VCL: variants seen among roughly 807,000 people sequenced by gnomAD.
The protein encoded by VCL is vinculin.
VCL carries 47 observed loss-of-function variants against 125.7 expected under a neutral mutation model. That is an observed-to-expected ratio of 0.37 (90% CI 0.30 to 0.48). VCL has a LOEUF of 0.48. Ranked by LOEUF, VCL falls within the 20% of genes least tolerant of loss-of-function variation. The probability of loss-of-function intolerance (pLI) is 0.99; values close to 1 mark genes in which losing one functional copy is unlikely to be tolerated. For synonymous variants in VCL, 458 were observed against 514.6 expected (o/e 0.89, Z 1.49); for missense variants, 1,069 against 1,455.5 (o/e 0.73, Z 4.32).
intron 2 of VCL, among the ~76,000 whole-genome samples, chr10:74,069,060 T>C (rs551641548): frequency 6.6e-6 from 1 of 152,056 alleles, no homozygotes; most frequent in African/African-American, 2.4e-5. Context: ...TTTTGTTTGT[T>C]TGTTCGTTTG....
intron 2 of VCL, among the ~76,000 whole-genome samples, chr10:74,045,269 A>AGACG (rs1162661523): frequency 7.2e-6 from 1 of 139,530 alleles, no homozygotes; most frequent in Non-Finnish European, 1.5e-5. Context: ...AGAGACGGAT[A>AGACG]GATAGATAGA....
rs1839986195 is a variant in VCL, at chr10:74,097,337, G to T, written c.1872+5G>T. ...GATGCGCCTAACAGGGAAGAGGTGG[G>T]TATCTGAGGTCTTCCATTTTTCTGT... is the stretch of plus-strand genomic sequence containing the variant. On this transcript the variant is annotated splice_donor_5th_base_variant and intron_variant, in intron 13 of 21. Coordinates refer to ENST00000211998, the MANE Select transcript of VCL (RefSeq NM_014000.3). This position sits in a 1 kb window ranked among gnomAD's most constrained non-coding sequence, Gnocchi z 4.1. 1 of 1,612,486 alleles carries T rather than the reference G, an allele frequency of 6.2e-7. No homozygotes were observed.
At position 74,089,208 on chromosome 10, in the gene VCL, C is replaced by G; in HGVS notation, c.1035C>G (p.Ser345=). The change falls in exon 9 of 22, where the codon TCC becomes TCG. Residue 345 remains serine, a synonymous_variant. Transcript: ENST00000211998. ...VADLRARGQG[S]SPVAMQKAQQ... ...CTGTTTTGAGCAGAGGACAAGGATC[C>G]TCACCGGTGGCCATGCAGAAAGCTC... The G allele has an allele frequency of 6.2e-7, 1 of 1,613,988 alleles. No individual in the cohort carries two copies. Among genetic ancestry groups the G allele is most frequent in the Non-Finnish European group, 8.5e-7 (1 of 1,179,990 alleles).
Position 74,059,224 on chromosome 10 carries a change from G to A in VCL, c.240-11446G>A, listed in dbSNP as rs894596098. 4.6e-5 allele frequency among the ~76,000 whole-genome samples: 7 copies of A among 152,110 alleles called. No individual in the cohort carries two copies. In the East Asian group the frequency reaches 5.8e-4, roughly 13 times the overall value. On this transcript the variant is annotated intron_variant, in intron 2 of 21. Transcript: ENST00000211998. ...ACAAAAACTAGTTCGGCATGGTGGC[G>A]CATGCCTATAATCCCAACTACTGGG...
chr10:74,053,261 C>T (rs941979287), intron 2 of VCL, among the ~76,000 whole-genome samples: 10 of 152,040 alleles, frequency 6.6e-5, no homozygotes, highest in African/African-American at 2.2e-4. Flanking sequence ...GTTTTATTAT[C>T]TAAATCAGGT....
At position 74,112,409 on chromosome 10, in the gene VCL, C is replaced by T. The variant is rs781421364; in HGVS notation, c.2949+297C>T. ...CATCGCTGGAAACCCCTTGGGAAGC[C>T]GTGAATGCATCTCTCAATGACTTCC... On this transcript the variant is annotated intron_variant, in intron 19 of 21. Transcript: ENST00000211998. 3.9e-5 allele frequency among the ~76,000 whole-genome samples: 6 copies of T among 152,298 alleles called. No homozygotes were observed. In the East Asian group the frequency reaches 9.6e-4, roughly 24 times the overall value.
chr10:74,098,741 C>A (rs1048277830), intron 13 of VCL, among the ~76,000 whole-genome samples: 7 of 152,080 alleles, frequency 4.6e-5, no homozygotes, highest in African/African-American at 1.7e-4. Flanking sequence ...TGCTGATTAC[C>A]CCAGTTTTCT....
intron 2 of VCL, among the ~76,000 whole-genome samples, chr10:74,051,319 C>T (rs1380081793): frequency 4.0e-5 from 6 of 151,084 alleles, no homozygotes; most frequent in Admixed American, 1.3e-4. Flanking sequence ...TCACTGCAAC[C>T]GCTGCCTCCT....
chr10:74,009,215 T>TCC (rs1565631984), intron 1 of VCL, among the ~76,000 whole-genome samples: 2 of 75,014 alleles, frequency 2.7e-5, no homozygotes, highest in East Asian at 3.5e-4. Context: ...GGCTGCTGCT[T>TCC]TCCCCCCCCC....
At position 74,070,814 on chromosome 10, in the gene VCL, G is replaced by A. The variant is rs756746383; in HGVS notation, c.384G>A (p.Glu128=). 1.5e-5 allele frequency: 24 copies of A among 1,613,886 alleles called. No homozygotes were observed. The highest frequency in any genetic ancestry group is 1.8e-5 in the Non-Finnish European group (21 of 1,180,012). ...CAGACCTGCTCCTTACCTTCGATGAGGCTGAGGTAGGCAATCTGAGACAAA... is the reference window on the plus strand; with the variant it reads ...CAGACCTGCTCCTTACCTTCGATGAAGCTGAGGTAGGCAATCTGAGACAAA... ...GTSDLLLTFD[E]AEVRKIIRVC... is the part of the protein sequence containing the mutation. The change falls in exon 3 of 22, where the codon GAG becomes GAA. Residue 128 remains glutamate, a synonymous_variant. Transcript: ENST00000211998.
intron 1 of VCL, among the ~76,000 whole-genome samples, chr10:74,009,192 A>G (rs976854074): frequency 1.4e-5 from 2 of 144,564 alleles, no homozygotes; most frequent in South Asian, 4.4e-4. Flanking sequence ...AATAATTTTC[A>G]AATTGTCTAG....
At chr10:74,080,951 A>G (rs1339367176) in intron 6 of VCL, among the ~76,000 whole-genome samples, 1 of 152,196 alleles carries the variant, frequency 6.6e-6, no homozygotes, top group Non-Finnish European at 1.5e-5. Context: ...AATTTAAGAC[A>G]TGATAGGAGA....
At chr10:74,112,320 G>C (rs71579376) in intron 19 of VCL, among the ~76,000 whole-genome samples, 396 of 152,284 alleles carry the variant, frequency 2.6e-3, no homozygotes, top group African/African-American at 9.0e-3. Flanking sequence ...TTATGTTTAG[G>C]GGATGAAGAG....
intron 1 of VCL, among the ~76,000 whole-genome samples, chr10:74,039,450 C>T (rs181381763): frequency 5.3e-4 from 81 of 152,104 alleles, no homozygotes; most frequent in African/African-American, 1.8e-3. Flanking sequence ...TTACCCTGCT[C>T]TCCCCTCACC....
intron 2 of VCL, among the ~76,000 whole-genome samples, chr10:74,065,205 T>G (rs1841548963): frequency 6.6e-6 from 1 of 151,652 alleles, no homozygotes; most frequent in Non-Finnish European, 1.5e-5. Flanking sequence ...GGCGTGATCT[T>G]GGCTCAATGC....
chr10:74,102,861 C>T (rs1438059166), intron 14 of VCL, among the ~76,000 whole-genome samples: 1 of 151,834 alleles, frequency 6.6e-6, no homozygotes, highest in Non-Finnish European at 1.5e-5. Flanking sequence ...GACTTGAGAC[C>T]TCTGTGAGTT....
In VCL at chr10:74,105,132, A is replaced by G; in HGVS notation, c.2213A>G (p.Lys738Arg). 1 of 1,614,214 alleles carries G rather than the reference A, an allele frequency of 6.2e-7. No homozygotes were observed. The highest frequency in any genetic ancestry group is 8.5e-7 in the Non-Finnish European group (1 of 1,180,032). Residue 738 changes from lysine to arginine, a missense_variant, in exon 16 of 22, where the codon AAG becomes AGG. By Grantham distance (26) the Lys-to-Arg change is conservative. This residue lies in a region of VCL where 760 missense variants were observed against 928.9 expected (regional missense o/e 0.82). Coordinates refer to ENST00000211998, the MANE Select transcript of VCL (RefSeq NM_014000.3). ...EAIKKDLDKC[K>R]VAMANIQPQM... ...ATTAAAAAAGACCTGGACAAGTGCA[A>G]GGTAGCTATGGCCAACATTCAGCCT... is the stretch of plus-strand genomic sequence containing the variant.
chr10:74,082,905 A>G (rs780786365), intron 7 of VCL, among the ~76,000 whole-genome samples: 1 of 152,224 alleles, frequency 6.6e-6, no homozygotes, highest in Non-Finnish European at 1.5e-5. Flanking sequence ...GTTCTTAATT[A>G]AGCAGATTAA....
intron 4 of VCL, 77 bp from the exon 5 acceptor site, chr10:74,072,653 A>C: frequency 6.2e-7 from 1 of 1,607,556 alleles, no homozygotes; most frequent in South Asian, 1.1e-5. Context: ...AGTATTTCAT[A>C]ATGGATTTAG....
Sources: gnomAD v4.1 joint callset for allele counts (sites outside exome capture counted in the v4.1 genomes callset) on GRCh38, gnomAD v4.1.1 for gene constraint, gnomAD v4.1.1 regional missense constraint, Gnocchi (gnomAD v3.1) non-coding constraint, MANE v1.5 for transcripts, NCBI Gene and HGNC (gene_info 2026-07-23, HGNC 2026-07-21) for gene names.